The following PPM1L variants were observed in gnomAD, a reference collection of about 807,000 sequenced individuals.
PPM1L encodes the protein protein phosphatase, Mg2+/Mn2+ dependent 1L.
Under a neutral mutation model 31.4 loss-of-function variants are expected in PPM1L, and 13 were observed. That is an observed-to-expected ratio of 0.41 (90% CI 0.27 to 0.66). The LOEUF is 0.66. Among genes scored for constraint, PPM1L ranks in the 30% least tolerant of loss-of-function variants. The pLI is 0.29. For missense variants in PPM1L, 326 were observed against 453.7 expected (o/e 0.72, Z 2.56); for synonymous variants, 184 against 175.4 (o/e 1.05, Z -0.39).
intron 2 of PPM1L, among the ~76,000 whole-genome samples, chr3:160,966,347 C>A (rs1716142201): frequency 6.6e-6 from 1 of 152,096 alleles, no homozygotes; most frequent in South Asian, 2.1e-4. Flanking sequence ...TGTCAGTAAT[C>A]TTACTATTGT....
intron 1 of PPM1L, among the ~76,000 whole-genome samples, chr3:160,874,211 T>C (rs1426949101): frequency 6.6e-6 from 1 of 152,340 alleles, no homozygotes; most frequent in Non-Finnish European, 1.5e-5. Flanking sequence ...CTTTGAATCT[T>C]GAGTGCATAA....
chr3:160,984,156 A>T (rs2108037535), intron 2 of PPM1L, among the ~76,000 whole-genome samples: 1 of 152,338 alleles, frequency 6.6e-6, no homozygotes, highest in East Asian at 1.9e-4. Context: ...ACTGCAGGAG[A>T]CTAGGGCATG....
intron 1 of PPM1L, among the ~76,000 whole-genome samples, chr3:160,938,153 G>T (rs1165815619): frequency 6.6e-6 from 1 of 152,158 alleles, no homozygotes; most frequent in African/African-American, 2.4e-5. Context: ...CTCAGCAAGA[G>T]AATTGCTATT....
In PPM1L at chr3:161,076,770, A is replaced by G. The variant is rs929771675; in HGVS notation, c.*7613A>G. Reference sequence around the variant, plus strand: ...AATGATTATTCTGACAAACCTGGAAAATAGTAATTAAACAGTTCATTCCAA... The same window carrying G: ...AATGATTATTCTGACAAACCTGGAAGATAGTAATTAAACAGTTCATTCCAA... On this transcript the variant is annotated 3_prime_UTR_variant, in exon 4 of 4. Coordinates refer to ENST00000498165, the MANE Select transcript of PPM1L (RefSeq NM_139245.4). 6 of 152,234 alleles carry G rather than the reference A, an allele frequency of 3.9e-5. No homozygotes were observed. The highest frequency in any genetic ancestry group is 1.4e-4 in the African/African-American group (6 of 41,470). 9.4% of individuals were successfully genotyped at this position (152,234 alleles called of 1,614,324 possible). A position where few individuals can be genotyped will look rare whatever the true frequency, so the allele number is the denominator to read the frequency against.
intron 2 of PPM1L, among the ~76,000 whole-genome samples, chr3:161,037,412 C>CTTTTT (rs59883046): frequency 9.0e-5 from 9 of 99,486 alleles, no homozygotes; most frequent in African/African-American, 1.6e-4. Context: ...CCTACTTGAG[C>CTTTTT]TTTTTTTTTT....
chr3:161,068,743 T>C, intron 3 of PPM1L, 68 bp from the exon 4 acceptor site: 1 of 1,360,930 alleles, frequency 7.3e-7, no homozygotes, highest in African/African-American at 1.4e-5. Flanking sequence ...GTTGCGCACG[T>C]ACCTAGACTA....
chr3:161,023,619 A>G (rs1170050925), intron 2 of PPM1L, among the ~76,000 whole-genome samples: 4 of 152,134 alleles, frequency 2.6e-5, no homozygotes, highest in Non-Finnish European at 5.9e-5. Flanking sequence ...CTCTCCATTC[A>G]ATGAGATATC....
intron 1 of PPM1L, among the ~76,000 whole-genome samples, chr3:160,869,775 A>G (rs2197701): frequency 0.26 from 39,458 of 151,478 alleles, 5,349 homozygotes; most frequent in East Asian, 0.5. Flanking sequence ...AATTGGTCTC[A>G]TTTTTTGTAC....
At chr3:160,960,290 T>G (rs1057386149) in intron 1 of PPM1L, among the ~76,000 whole-genome samples, 12 of 152,194 alleles carry the variant, frequency 7.9e-5, no homozygotes, top group Non-Finnish European at 1.3e-4. Context: ...AATACATGTA[T>G]ATCTTATATA....
intron 1 of PPM1L, among the ~76,000 whole-genome samples, chr3:160,811,627 C>T (rs1398085294): frequency 6.6e-6 from 1 of 152,162 alleles, no homozygotes; most frequent in African/African-American, 2.4e-5. Context: ...CTTAATTGTG[C>T]TCTCTGTGAG....
chr3:160,836,015 A>G (rs1234901478), intron 1 of PPM1L, among the ~76,000 whole-genome samples: 1 of 151,668 alleles, frequency 6.6e-6, no homozygotes, highest in East Asian at 1.9e-4. Flanking sequence ...CAATGTGTCC[A>G]TTTTTTTCTA....
chr3:160,904,715 TGGG>T (rs139265920), intron 1 of PPM1L, among the ~76,000 whole-genome samples: 2 of 133,406 alleles, frequency 1.5e-5, no homozygotes, highest in Non-Finnish European at 3.3e-5. Context: ...CATTATATTA[TGGG>T]GGGAAGAGGG....
At chr3:161,012,890 T>C (rs1372749063) in intron 2 of PPM1L, among the ~76,000 whole-genome samples, 1 of 152,192 alleles carries the variant, frequency 6.6e-6, no homozygotes, top group Non-Finnish European at 1.5e-5. Flanking sequence ...TTATTGCATC[T>C]ATTTGATTCT....
intron 2 of PPM1L, among the ~76,000 whole-genome samples, chr3:161,026,059 A>G (rs16831758): frequency 0.13 from 19,794 of 152,184 alleles, 1,458 homozygotes; most frequent in East Asian, 0.28. Context: ...TAGTTTTGCA[A>G]TGTAGTCCTA....
rs10545216 is a variant in PPM1L, at chr3:160,808,289, CTGTGTGTGTG to C, written c.399+51605_399+51614del. Among the ~76,000 whole-genome samples the C allele has an allele frequency of 5.9e-5, 8 of 136,216 alleles. No homozygotes were observed. The South Asian group carries it at 7.0e-4, about 12-fold the overall frequency. 89.4% of individuals were successfully genotyped at this position (136,216 alleles called of 152,430 possible). A position where few individuals can be genotyped will look rare whatever the true frequency, so the allele number is the denominator to read the frequency against. The stretch of plus-strand genomic sequence containing the variant: ...AACTGCCCTTTGCCAGGATTTTCCT[CTGTGTGTGTG>C]TGTGTGTGTGTGTGTGTGTGTGCGT... On this transcript the variant is annotated intron_variant, in intron 1 of 3. Coordinates refer to ENST00000498165, the MANE Select transcript of PPM1L (RefSeq NM_139245.4).
At chr3:160,815,056 A>G (rs750768623) in intron 1 of PPM1L, among the ~76,000 whole-genome samples, 1 of 152,090 alleles carries the variant, frequency 6.6e-6, no homozygotes, top group Non-Finnish European at 1.5e-5. Flanking sequence ...TGCAGTGTAC[A>G]CTGCTCAGTT....
chr3:160,760,319 T>C (rs1357255), intron 1 of PPM1L, among the ~76,000 whole-genome samples: 4,836 of 152,366 alleles, frequency 0.032, 102 homozygotes, highest in South Asian at 0.05. Flanking sequence ...TGGGTTACCA[T>C]GAGTTAGTTC....
chr3:161,036,529 T>C (rs939622296), intron 2 of PPM1L, among the ~76,000 whole-genome samples: 35 of 152,300 alleles, frequency 2.3e-4, no homozygotes, highest in African/African-American at 7.5e-4. Context: ...TGTTACAGAG[T>C]AGGTGCTCAA....
intron 1 of PPM1L, among the ~76,000 whole-genome samples, chr3:160,853,127 C>T (rs1171230406): frequency 6.6e-6 from 1 of 152,170 alleles, no homozygotes; most frequent in African/African-American, 2.4e-5. Context: ...ATTGCTTCCT[C>T]CTCTTTTGTC....
Sources: gnomAD v4.1 joint callset for allele counts (sites outside exome capture counted in the v4.1 genomes callset) on GRCh38, gnomAD v4.1.1 for gene constraint, MANE v1.5 for transcripts, NCBI Gene and HGNC (gene_info 2026-07-23, HGNC 2026-07-21) for gene names.